The following MARCO variants were observed in gnomAD, a reference collection of about 807,000 sequenced individuals.
The protein encoded by MARCO is macrophage receptor with collagenous structure, also known as macrophage receptor MARCO.
A neutral mutation model predicts 70.0 loss-of-function variants in MARCO; 72 were observed. The ratio of observed to expected loss-of-function variants is 1.03; its 90% CI spans 0.85 to 1.25. The LOEUF (loss-of-function observed/expected upper bound fraction) is 1.25. Among genes scored for constraint, MARCO ranks in the 50% most tolerant of loss-of-function variants. MARCO has a pLI of 0.00. For missense variants in MARCO, 696 were observed against 659.3 expected (o/e 1.06, Z -0.61); for synonymous variants, 273 against 243.1 (o/e 1.12, Z -1.14).
chr2:118,970,670 G>A (rs1007974863), intron 3 of MARCO, among the ~76,000 whole-genome samples: 2 of 152,176 alleles, frequency 1.3e-5, no homozygotes, highest in Non-Finnish European at 2.9e-5. Flanking sequence ...GAGGACACCC[G>A]GACCTGCTGG....
intron 12 of MARCO, among the ~76,000 whole-genome samples, chr2:118,988,851 A>G (rs1026518955): frequency 5.9e-5 from 9 of 152,044 alleles, no homozygotes; most frequent in African/African-American, 2.2e-4. Flanking sequence ...GGTGCTCCCC[A>G]CCTGGAGGGG....
At chr2:118,966,570 C>T (rs1044014899) in intron 1 of MARCO, among the ~76,000 whole-genome samples, 1 of 152,184 alleles carries the variant, frequency 6.6e-6, no homozygotes, top group Non-Finnish European at 1.5e-5. Context: ...ATTTAAAAAG[C>T]ATTCTGGGCC....
At chr2:118,949,519 A>G (rs990344580) in intron 1 of MARCO, 1 of 152,228 alleles carries the variant, frequency 6.6e-6, no homozygotes, top group Admixed American at 6.5e-5. Context: ...TGCACCTTAA[A>G]GAAGCCTATA....
chr2:118,973,338 C>T (rs757105610), intron 4 of MARCO, among the ~76,000 whole-genome samples: 32 of 151,970 alleles, frequency 2.1e-4, no homozygotes, highest in Admixed American at 3.3e-4. Context: ...AAATCTCCAA[C>T]TCTCACTCTC....
chr2:118,965,185 A>T (rs2104570429), intron 1 of MARCO, among the ~76,000 whole-genome samples: 1 of 152,278 alleles, frequency 6.6e-6, no homozygotes, highest in Non-Finnish European at 1.5e-5. Flanking sequence ...TATGAATTGT[A>T]GGTGTTTTGT....
Position 118,942,197 on chromosome 2 carries a change from A to T in MARCO, c.-104A>T. ...AAAGGGAAGTGCTGCGAGGTTTACAACCAGCTGCAGTGGTTCGATGGGAAG... is the reference window on the plus strand; with the variant it reads ...AAAGGGAAGTGCTGCGAGGTTTACATCCAGCTGCAGTGGTTCGATGGGAAG... On this transcript the variant is annotated 5_prime_UTR_variant, in exon 1 of 17. Coordinates refer to ENST00000327097, the MANE Select transcript of MARCO (RefSeq NM_006770.4). The T allele has an allele frequency of 1.4e-6, 1 of 717,506 alleles. No homozygotes were observed. The highest frequency in any genetic ancestry group is 2.4e-6 in the Non-Finnish European group (1 of 409,712). 44.4% of individuals were successfully genotyped at this position (717,506 alleles called of 1,614,324 possible). A position where few individuals can be genotyped will look rare whatever the true frequency, so the allele number is the denominator to read the frequency against.
At chr2:118,959,185 G>T (rs1679894265) in intron 1 of MARCO, among the ~76,000 whole-genome samples, 1 of 152,090 alleles carries the variant, frequency 6.6e-6, no homozygotes, top group Non-Finnish European at 1.5e-5. Flanking sequence ...GGAACAGTCA[G>T]CAGAGTAAAC....
intron 1 of MARCO, among the ~76,000 whole-genome samples, chr2:118,968,439 T>C (rs1680097043): frequency 1.3e-5 from 2 of 152,298 alleles, no homozygotes; most frequent in Middle Eastern, 3.4e-3. Context: ...TTATGTACTA[T>C]GATATCATTT....
In MARCO at chr2:118,986,713, GAA is replaced by G. The variant is rs755520049; in HGVS notation, c.1064-3874_1064-3873del. ...AGAAAGAAAGAAAGAAAGAAAGAAA[GAA>G]AGAAAGAAAAGAAAGAAAGAAAGAG... On this transcript the variant is annotated intron_variant, in intron 12 of 16. Transcript: ENST00000327097. Among the ~76,000 whole-genome samples the G allele has an allele frequency of 5.0e-5, 5 of 99,802 alleles. 2 individuals carry two copies. The highest frequency in any genetic ancestry group is 2.4e-4 in the African/African-American group (5 of 20,604). 65.5% of individuals were successfully genotyped at this position (99,802 alleles called of 152,430 possible). A position where few individuals can be genotyped will look rare whatever the true frequency, so the allele number is the denominator to read the frequency against.
chr2:118,977,907 G>A lies in MARCO; in HGVS notation c.738G>A (p.Lys246=). 1 of 1,610,626 alleles carries A rather than the reference G, an allele frequency of 6.2e-7. No individual in the cohort carries two copies. Among genetic ancestry groups the A allele is most frequent in the Non-Finnish European group, 8.5e-7 (1 of 1,178,432 alleles). Reference sequence around the variant, plus strand: ...GCCCAAAAGGGGAAACTGGAACTAAGGGAGAGAAAGGAGACCTGGGTCTCC... The same window carrying A: ...GCCCAAAAGGGGAAACTGGAACTAAAGGAGAGAAAGGAGACCTGGGTCTCC... ...LIGPKGETGT[K]GEKGDLGLPG... is the part of the protein sequence containing the mutation. Residue 246 remains lysine (K), a synonymous_variant, in exon 8 of 17, where the codon AAG becomes AAA. Transcript: ENST00000327097.
At chr2:118,954,209 C>T (rs1232403948) in intron 1 of MARCO, among the ~76,000 whole-genome samples, 1 of 152,162 alleles carries the variant, frequency 6.6e-6, no homozygotes, top group African/African-American at 2.4e-5. Flanking sequence ...CCTGGAAACA[C>T]ACTTGGGGCT....
At chr2:118,949,435 T>G (rs948720307) in intron 1 of MARCO, 1 of 152,240 alleles carries the variant, frequency 6.6e-6, no homozygotes, top group South Asian at 2.1e-4. Context: ...TCATTTGGCA[T>G]GAGGCGAGTC....
chr2:118,952,470 A>T (rs529101004), intron 1 of MARCO: 62 of 152,468 alleles, frequency 4.1e-4, no homozygotes, highest in African/African-American at 1.5e-3. Flanking sequence ...CACTCACTCC[A>T]TCCAGCAGTA....
chr2:118,986,758 GAAGA>G lies in MARCO; in HGVS notation c.1064-3820_1064-3817del, dbSNP rs762484068. ...AGAAAGAGAAAGAAAGAGAAAGAAA[GAAGA>G]AAGAAAGAAAAGAAAGAGTGTGAGA... On this transcript the variant is annotated intron_variant, in intron 12 of 16. Transcript: ENST00000327097. Among the ~76,000 whole-genome samples, 115 of 150,044 alleles carry G rather than the reference GAAGA, an allele frequency of 7.7e-4. 16 individuals carry two copies. The highest frequency in any genetic ancestry group is 2.6e-3 in the African/African-American group (106 of 40,358).
chr2:118,975,662 G>A (rs1011359649), intron 6 of MARCO, among the ~76,000 whole-genome samples: 4 of 152,060 alleles, frequency 2.6e-5, no homozygotes, highest in Non-Finnish European at 5.9e-5. Context: ...ATGTCTGAGG[G>A]CACATCTGTG....
At chr2:118,986,643 A>AAG (rs1680498250) in intron 12 of MARCO, among the ~76,000 whole-genome samples, 1 of 47,670 alleles carries the variant, frequency 2.1e-5, no homozygotes, top group African/African-American at 1.4e-4. Flanking sequence ...GAAAGAAAGA[A>AAG]AGAAAGAAAG....
In MARCO at chr2:118,982,212, G is replaced by A. The variant is rs1305802954; in HGVS notation, c.958G>A (p.Ala320Thr). 1 of 1,613,334 alleles carries A rather than the reference G, an allele frequency of 6.2e-7. No homozygotes were observed. Among genetic ancestry groups the A allele is most frequent in the African/African-American group, 1.3e-5 (1 of 74,884 alleles). The change falls in exon 11 of 17, where the codon GCC becomes ACC. Residue 320 changes from alanine to threonine, a missense_variant. Ala to Thr is a moderately conservative substitution (Grantham distance 58). Coordinates refer to ENST00000327097, the MANE Select transcript of MARCO (RefSeq NM_006770.4). ...GPPGAVGHPGAKGEPGSAGSP... is the reference protein window; with the variant it reads ...GPPGAVGHPGTKGEPGSAGSP... The stretch of plus-strand genomic sequence containing the variant: ...TCCTGGTGCAGTGGGACACCCAGGT[G>A]CCAAGGGTGAGCCTGGCAGTGCTGG...
Position 118,973,768 on chromosome 2 carries a change from A to G in MARCO, c.461-565A>G, listed in dbSNP as rs553854951. ...AGTCAGGGGAACTGCTCCTCAGCCA[A>G]GCTTCAGGGAAGGGGATTGCGAAAC... On this transcript the variant is annotated intron_variant, in intron 4 of 16. Coordinates refer to ENST00000327097, the MANE Select transcript of MARCO (RefSeq NM_006770.4). 8.5e-4 allele frequency among the ~76,000 whole-genome samples: 130 copies of G among 152,268 alleles called. 1 individual carries two copies. Among genetic ancestry groups the G allele is most frequent in the African/African-American group, 2.2e-3 (91 of 41,568 alleles).
At chr2:118,949,355 T>C (rs890189962) in intron 1 of MARCO, 1 of 151,956 alleles carries the variant, frequency 6.6e-6, no homozygotes, top group Non-Finnish European at 1.5e-5. Flanking sequence ...CATTTACATC[T>C]TTATACCCTG....
Sources: gnomAD v4.1 joint callset for allele counts (sites outside exome capture counted in the v4.1 genomes callset) on GRCh38, gnomAD v4.1.1 for gene constraint, MANE v1.5 for transcripts, NCBI Gene and HGNC (gene_info 2026-07-23, HGNC 2026-07-21) for gene names.